Variants in WWTR1 observed in about 807,000 individuals in gnomAD.
WWTR1 encodes the protein WW domain containing transcription regulator 1, also known as WW domain-containing transcription regulator protein 1.
Under a neutral mutation model 40.1 loss-of-function variants are expected in WWTR1, and 13 were observed. The observed-to-expected ratio is 0.32, with a 90% CI of 0.21 to 0.52. The LOEUF (loss-of-function observed/expected upper bound fraction) is 0.52. Ranked by LOEUF, WWTR1 falls within the 20% of genes least tolerant of loss-of-function variation. The probability of loss-of-function intolerance (pLI) is 0.97; values close to 1 mark genes in which losing one functional copy is unlikely to be tolerated. For missense variants in WWTR1, 436 were observed against 523.1 expected, an observed-to-expected ratio of 0.83 and a Z score of 1.63; for synonymous variants, 230 against 210.1, an observed-to-expected ratio of 1.09 and a Z score of -0.82.
At position 149,657,133 on chromosome 3, in the gene WWTR1, C is replaced by G. The variant is rs761515815; in HGVS notation, c.174G>C (p.Ser58=). The change falls in exon 2 of 7, where the codon TCG becomes TCC. Residue 58 remains serine (S), a synonymous_variant. Transcript: ENST00000360632. The part of the protein sequence containing the change: ...LPESFFKEPD[S]GSHSRQSSTD... ...TGCTGGACTGGCGCGAGTGCGAGCC[C>G]GAATCAGGCTCCTTAAAGAAAGACT... 7 of 1,595,688 alleles carry G rather than the reference C, an allele frequency of 4.4e-6. No homozygotes were observed. The highest frequency in any genetic ancestry group is 1.7e-5 in the Admixed American group (1 of 57,866).
At chr3:149,652,855 G>A (rs1712974022) in intron 2 of WWTR1, among the ~76,000 whole-genome samples, 1 of 151,830 alleles carries the variant, frequency 6.6e-6, no homozygotes, top group Admixed American at 6.6e-5. Context: ...AACAATCTAA[G>A]AATTAAATAT....
chr3:149,689,189 C>T (rs1359184701), intron 1 of WWTR1, among the ~76,000 whole-genome samples: 1 of 151,842 alleles, frequency 6.6e-6, no homozygotes, highest in Non-Finnish European at 1.5e-5. Flanking sequence ...CAAGACTAGC[C>T]TCGGCAACAT....
chr3:149,559,309 A>AAAAAG (rs1348397876), intron 3 of WWTR1, among the ~76,000 whole-genome samples: 21 of 148,388 alleles, frequency 1.4e-4, no homozygotes, highest in South Asian at 4.5e-4. Context: ...AAAAAAAAAA[A>AAAAAG]AAAAGAAAAG....
chr3:149,656,757 T>A, intron 2 of WWTR1, 119 bp downstream of exon 2: 1 of 663,210 alleles, frequency 1.5e-6, no homozygotes, highest in Non-Finnish European at 2.0e-6. Flanking sequence ...ACGCACCATC[T>A]CTCTCTTTCT....
intron 2 of WWTR1, among the ~76,000 whole-genome samples, chr3:149,635,820 G>C (rs1222411758): frequency 6.6e-6 from 1 of 152,094 alleles, no homozygotes; most frequent in Admixed American, 6.6e-5. Flanking sequence ...ATTTATTTAT[G>C]ACTTGGGCAG....
At chr3:149,555,550 A>C (rs979521974) in intron 3 of WWTR1, among the ~76,000 whole-genome samples, 3 of 152,100 alleles carry the variant, frequency 2.0e-5, no homozygotes, top group African/African-American at 7.2e-5. Context: ...TGGTAGAAGT[A>C]TATGCCAAAT....
intron 3 of WWTR1, among the ~76,000 whole-genome samples, chr3:149,571,035 A>T: frequency 6.6e-6 from 1 of 152,152 alleles, no homozygotes; most frequent in African/African-American, 2.4e-5. Context: ...AAGCAGCTCT[A>T]TATGTATGGA....
intron 2 of WWTR1, among the ~76,000 whole-genome samples, chr3:149,603,194 CCA>C (rs1199126110): frequency 6.6e-6 from 1 of 152,026 alleles, no homozygotes; most frequent in Non-Finnish European, 1.5e-5. Context: ...CCCCTCACTA[CCA>C]CTCTCTGGCT....
chr3:149,623,904 T>C (rs1209621563), intron 2 of WWTR1, among the ~76,000 whole-genome samples: 1 of 152,214 alleles, frequency 6.6e-6, no homozygotes, highest in Non-Finnish European at 1.5e-5. Context: ...GGCAATGTTG[T>C]GCTCTCTTGC....
intron 2 of WWTR1, among the ~76,000 whole-genome samples, chr3:149,594,853 A>G (rs1345600518): frequency 4.6e-5 from 7 of 151,818 alleles, no homozygotes; most frequent in Non-Finnish European, 8.8e-5. Context: ...GGGTATAATA[A>G]TAGAATTTGT....
Position 149,546,315 on chromosome 3 carries a change from A to G in WWTR1, c.569-3778T>C, listed in dbSNP as rs1467347610. Among the ~76,000 whole-genome samples, 6 of 152,256 alleles carry G rather than the reference A, an allele frequency of 3.9e-5. No individual in the cohort carries two copies. The South Asian group carries it at 1.0e-3, about 26-fold the overall frequency. ...CAGTTTGTACAAGGATATTCAAAAC[A>G]GTATTGTTTATAATTGCAAAAGATT... On this transcript the variant is annotated intron_variant, in intron 3 of 6. Coordinates refer to ENST00000360632, the MANE Select transcript of WWTR1 (RefSeq NM_015472.6).
At chr3:149,597,560 A>C (rs1263137049) in intron 2 of WWTR1, among the ~76,000 whole-genome samples, 1 of 152,100 alleles carries the variant, frequency 6.6e-6, no homozygotes, top group Non-Finnish European at 1.5e-5. Flanking sequence ...TGGAAGGATC[A>C]CCTGAGCTCA....
intron 1 of WWTR1, among the ~76,000 whole-genome samples, chr3:149,694,119 C>T (rs575231534): frequency 2.7e-3 from 404 of 152,272 alleles, no homozygotes; most frequent in East Asian, 0.011. Flanking sequence ...ATAGGCTGGG[C>T]GCGGTGGCTC....
chr3:149,664,681 C>T (rs901819755), intron 2 of WWTR1, among the ~76,000 whole-genome samples: 8 of 151,854 alleles, frequency 5.3e-5, no homozygotes, highest in African/African-American at 9.7e-5. Context: ...CTCCACCTCC[C>T]GGGTTCAAAC....
chr3:149,653,375 AAC>A (rs1367480978), intron 2 of WWTR1, among the ~76,000 whole-genome samples: 10 of 152,360 alleles, frequency 6.6e-5, no homozygotes, highest in African/African-American at 2.2e-4. Flanking sequence ...ATAATGAATG[AAC>A]ACAGTGGTTT....
chr3:149,557,329 C>T (rs1297778066), intron 3 of WWTR1, among the ~76,000 whole-genome samples: 2 of 152,072 alleles, frequency 1.3e-5, no homozygotes, highest in African/African-American at 4.8e-5. Context: ...GCCTGGGCCT[C>T]CCAAAGTGCT....
At chr3:149,708,284 GT>G (rs1176026560) in intron 5 of WWTR1, among the ~76,000 whole-genome samples, 1 of 152,000 alleles carries the variant, frequency 6.6e-6, no homozygotes, top group African/African-American at 2.4e-5. Flanking sequence ...TGGTTGGTTG[GT>G]TTTGTTTGCT....
intron 4 of WWTR1, among the ~76,000 whole-genome samples, chr3:149,717,981 TATC>T (rs1232035199): frequency 1.3e-5 from 2 of 152,130 alleles, no homozygotes; most frequent in African/African-American, 4.8e-5. Context: ...GAAATGATCA[TATC>T]ATCAAGGCTG....
Position 149,597,432 on chromosome 3 carries a change from C to CAA in WWTR1, c.432-24434_432-24433dup, listed in dbSNP as rs1253950023. The stretch of plus-strand genomic sequence containing the variant: ...GCAACATGGTGAAACCCCAGCTCTA[C>CAA]AAAAAAAAAAAAAAAGAAGAAGAAG... On this transcript the variant is annotated intron_variant, in intron 2 of 6. Transcript: ENST00000360632. Among the ~76,000 whole-genome samples the CAA allele has an allele frequency of 6.6e-3, 343 of 51,820 alleles. 2 individuals are homozygous for CAA. Among genetic ancestry groups the CAA allele is most frequent in the African/African-American group, 0.013 (287 of 21,886 alleles). The allele number at this position is 51,820 out of a possible 152,430, so 34.0% of individuals were successfully genotyped here. A position where few individuals can be genotyped will look rare whatever the true frequency, so the allele number is the denominator to read the frequency against.
Sources: allele counts gnomAD v4.1 joint callset (sites outside exome capture counted in the v4.1 genomes callset), GRCh38; gene constraint gnomAD v4.1.1; transcripts MANE v1.5; gene names NCBI Gene and HGNC (gene_info 2026-07-23, HGNC 2026-07-21).